TG: variants seen among roughly 807,000 people sequenced by gnomAD.
TG encodes thyroid hormones.
TG carries 270 observed loss-of-function variants against 324.7 expected under a neutral mutation model. The ratio of observed to expected loss-of-function variants is 0.83; its 90% confidence interval spans 0.75 to 0.92. TG has a LOEUF of 0.92. Among genes scored for constraint, TG ranks in the 40% least tolerant of loss-of-function variants. The pLI is 0.00. For synonymous variants in TG, 1,401 were observed against 1,327.0 expected (o/e 1.06, Z -1.21); for missense variants, 3,591 against 3,456.4 (o/e 1.04, Z -0.98).
chr8:133,102,305 G>C, intron 43 of TG: 1 of 440,382 alleles, frequency 2.3e-6, no homozygotes, highest in Non-Finnish European at 4.1e-6. Flanking sequence ...CTGGATCCCA[G>C]TCCACAAACA....
intron 35 of TG, among the ~76,000 whole-genome samples, chr8:133,000,997 C>T (rs1259415448): frequency 6.6e-6 from 1 of 152,146 alleles, no homozygotes; most frequent in Non-Finnish European, 1.5e-5. Context: ...CCCAGCCTCT[C>T]CCCTTGGCTT....
Position 132,893,699 on chromosome 8 carries a change from C to T in TG, c.2771C>T (p.Ser924Phe), listed in dbSNP as rs200583950. The T allele has an allele frequency of 1.4e-5, 23 of 1,613,726 alleles. No individual in the cohort carries two copies. In the Middle Eastern group the frequency reaches 5.0e-4, roughly 35 times the overall value. The part of the protein sequence containing the change: ...EPSKLPTCPG[S>F]CEEAKLRVLQ... ...ATTTTTATTCCCCTAGGTCCTGGCTCCTGTGAGGAAGCAAAGCTCCGTGTA... is the reference window on the plus strand; with the variant it reads ...ATTTTTATTCCCCTAGGTCCTGGCTTCTGTGAGGAAGCAAAGCTCCGTGTA... Residue 924 changes from serine to phenylalanine, a missense_variant, in exon 11 of 48, where the codon TCC becomes TTC. Coordinates refer to ENST00000220616, the MANE Select transcript of TG (RefSeq NM_003235.5).
intron 34 of TG, among the ~76,000 whole-genome samples, chr8:132,978,212 A>T (rs895271849): frequency 6.6e-6 from 1 of 152,224 alleles, no homozygotes; most frequent in Non-Finnish European, 1.5e-5. Flanking sequence ...CTGTCACATG[A>T]TGACAGTGAG....
chr8:133,062,260 T>C (rs1442989439), intron 41 of TG, among the ~76,000 whole-genome samples: 4 of 152,222 alleles, frequency 2.6e-5, no homozygotes, highest in Non-Finnish European at 5.9e-5. Flanking sequence ...CCAGGGCCTC[T>C]GACCCTGGTA....
Position 132,887,409 on chromosome 8 carries a change from C to T in TG, c.2037C>T (p.Gly679=). 1 of 1,614,208 alleles carries T rather than the reference C, an allele frequency of 6.2e-7. No homozygotes were observed. Among genetic ancestry groups the T allele is most frequent in the Non-Finnish European group, 8.5e-7 (1 of 1,180,048 alleles). The change falls in exon 9 of 48, where the codon GGC becomes GGT. Residue 679 remains glycine (G), a synonymous_variant. Coordinates refer to ENST00000220616, the MANE Select transcript of TG (RefSeq NM_003235.5). ...MQSLMGSQPA[G]STLFVPACTS... ...GCCTCATGGGCAGCCAGCCTGCTGGCTCCACCTTGTTTGTCCCTGCTTGTA... is the reference window on the plus strand; with the variant it reads ...GCCTCATGGGCAGCCAGCCTGCTGGTTCCACCTTGTTTGTCCCTGCTTGTA...
intron 29 of TG, among the ~76,000 whole-genome samples, chr8:132,965,901 A>G (rs914100174): frequency 6.6e-6 from 1 of 152,236 alleles, no homozygotes; most frequent in Non-Finnish European, 1.5e-5. Context: ...GATTAAGAAA[A>G]GAATCTGGAC....
At chr8:132,921,092 T>A (rs1456781079) in intron 21 of TG, among the ~76,000 whole-genome samples, 1 of 152,206 alleles carries the variant, frequency 6.6e-6, no homozygotes, top group Non-Finnish European at 1.5e-5. Context: ...CTCTTTCTAA[T>A]AAGGGCATTA....
chr8:133,093,667 G>T (rs775589453), intron 41 of TG, among the ~76,000 whole-genome samples: 6 of 152,124 alleles, frequency 3.9e-5, no homozygotes, highest in Non-Finnish European at 7.4e-5. Context: ...GACTGGCCTT[G>T]CCTCTGACCC....
intron 35 of TG, among the ~76,000 whole-genome samples, chr8:132,991,775 G>T (rs1253483560): frequency 6.6e-6 from 1 of 152,120 alleles, no homozygotes; most frequent in Non-Finnish European, 1.5e-5. Flanking sequence ...GCCAGGGACT[G>T]TGCTGCTTGG....
chr8:133,121,324 C>T (rs1025204242), intron 45 of TG, among the ~76,000 whole-genome samples: 5 of 152,158 alleles, frequency 3.3e-5, no homozygotes, highest in African/African-American at 1.2e-4. Flanking sequence ...GATCCTGAGC[C>T]TCTTTGAGGA....
chr8:133,042,979 C>A (rs905567602), intron 41 of TG, among the ~76,000 whole-genome samples: 1 of 110,584 alleles, frequency 9.0e-6, no homozygotes, highest in Non-Finnish European at 1.9e-5. Flanking sequence ...CAGGCATGAC[C>A]CACCATGCCT....
chr8:132,872,593 T>C (rs80257222), intron 4 of TG, among the ~76,000 whole-genome samples: 1,634 of 152,022 alleles, frequency 0.011, 26 homozygotes, highest in African/African-American at 0.037. Flanking sequence ...TGATAAAGTC[T>C]ACAACAGTGC....
intron 41 of TG, among the ~76,000 whole-genome samples, chr8:133,065,846 T>G (rs1842958834): frequency 6.6e-6 from 1 of 151,140 alleles, no homozygotes; most frequent in Admixed American, 6.6e-5. Flanking sequence ...AGCATAAACT[T>G]TGGGGGAAAC....
chr8:132,880,725 A>G (rs867585884), intron 5 of TG, among the ~76,000 whole-genome samples: 1 of 152,224 alleles, frequency 6.6e-6, no homozygotes, highest in Non-Finnish European at 1.5e-5. Context: ...TTGACTTCCA[A>G]TACTGATTCA....
In TG at chr8:133,074,158, T is replaced by C. The variant is rs144498810; in HGVS notation, c.7240-20886T>C. Among the ~76,000 whole-genome samples the C allele has an allele frequency of 4.5e-3, 685 of 152,292 alleles. 4 individuals carry two copies. The highest frequency in any genetic ancestry group is 0.016 in the African/African-American group (655 of 41,550). On this transcript the variant is annotated intron_variant, in intron 41 of 47. Coordinates refer to ENST00000220616, the MANE Select transcript of TG (RefSeq NM_003235.5). ...TCTCTTCCAACTCTAACATGCTGTT[T>C]TCAGAATTTATATACTTCACATGTT...
At chr8:133,088,256 G>GCTC (rs5895174) in intron 41 of TG, among the ~76,000 whole-genome samples, 49 of 151,464 alleles carry the variant, frequency 3.2e-4, no homozygotes, top group African/African-American at 9.7e-4. Flanking sequence ...CTCCCCTCCT[G>GCTC]CTCCTCCTCC....
intron 40 of TG, among the ~76,000 whole-genome samples, chr8:133,028,752 G>T (rs1836346315): frequency 6.6e-6 from 1 of 152,208 alleles, no homozygotes; most frequent in Non-Finnish European, 1.5e-5. Context: ...TGAGACCATG[G>T]TATTCTCTTC....
At chr8:133,118,320 CTTT>C (rs34171048) in intron 45 of TG, among the ~76,000 whole-genome samples, 2,033 of 89,034 alleles carry the variant, frequency 0.023, 4 homozygotes, top group African/African-American at 0.048. Context: ...CAGATTCTTC[CTTT>C]TTTTTTTTTT....
At chr8:133,051,393 G>C (rs1840375919) in intron 41 of TG, among the ~76,000 whole-genome samples, 1 of 152,214 alleles carries the variant, frequency 6.6e-6, no homozygotes, top group Non-Finnish European at 1.5e-5. Context: ...CTGGGACTCA[G>C]AGTTGTTATA....
Sources: allele counts gnomAD v4.1 joint callset (sites outside exome capture counted in the v4.1 genomes callset), GRCh38; gene constraint gnomAD v4.1.1; transcripts MANE v1.5; gene names NCBI Gene and HGNC (gene_info 2026-07-23, HGNC 2026-07-21).